Variants in GPC5 observed in about 807,000 individuals in gnomAD.
GPC5 encodes the protein glypican-5.
Under a neutral mutation model 53.9 loss-of-function variants are expected in GPC5, and 47 were observed. The ratio of observed to expected loss-of-function variants is 0.87; its 90% CI spans 0.69 to 1.11. GPC5 has a LOEUF of 1.11. GPC5 is among the 50% of genes most tolerant of loss of function. The pLI, the probability that GPC5 is intolerant of heterozygous loss-of-function variation, is 0.00. For missense variants in GPC5, 748 were observed against 713.1 expected (o/e 1.05, Z -0.56); for synonymous variants, 286 against 263.3 (o/e 1.09, Z -0.84).
intron 5 of GPC5, among the ~76,000 whole-genome samples, chr13:91,813,815 G>C (rs372204970): frequency 6.0e-5 from 9 of 151,116 alleles, no homozygotes; most frequent in African/African-American, 2.2e-4. Flanking sequence ...TAAAGGCTTA[G>C]CTACTTAAGC....
At chr13:92,762,923 A>C (rs1875244243) in intron 7 of GPC5, among the ~76,000 whole-genome samples, 1 of 151,700 alleles carries the variant, frequency 6.6e-6, no homozygotes, top group Non-Finnish European at 1.5e-5. Flanking sequence ...TATTTCATTC[A>C]ATGAATTCTT....
chr13:92,723,731 T>C (rs1314179473), intron 7 of GPC5, among the ~76,000 whole-genome samples: 1 of 151,760 alleles, frequency 6.6e-6, no homozygotes, highest in Non-Finnish European at 1.5e-5. Flanking sequence ...AATTTTCATT[T>C]TAGGTTAGTT....
chr13:92,078,006 C>T (rs1395311687), intron 6 of GPC5, among the ~76,000 whole-genome samples: 3 of 151,338 alleles, frequency 2.0e-5, no homozygotes, highest in South Asian at 2.1e-4. Flanking sequence ...TACAGGCATA[C>T]GTAGATACAT....
chr13:92,511,532 C>CA (rs1158427556), intron 7 of GPC5, among the ~76,000 whole-genome samples: 2 of 152,064 alleles, frequency 1.3e-5, no homozygotes, highest in African/African-American at 4.8e-5. Context: ...ATTTAGCCTG[C>CA]AAAAAATGCC....
chr13:91,918,779 T>C (rs2039683370), intron 6 of GPC5, among the ~76,000 whole-genome samples: 1 of 152,198 alleles, frequency 6.6e-6, no homozygotes, highest in African/African-American at 2.4e-5. Context: ...CTCACCAATA[T>C]CTTTGATTTC....
intron 7 of GPC5, among the ~76,000 whole-genome samples, chr13:92,276,367 C>A (rs559401768): frequency 2.0e-5 from 3 of 152,214 alleles, no homozygotes; most frequent in South Asian, 4.1e-4. Flanking sequence ...TTTCTTCTTA[C>A]CATCTAAAAT....
chr13:92,442,850 AT>A (rs1045050135), intron 7 of GPC5, among the ~76,000 whole-genome samples: 82 of 152,130 alleles, frequency 5.4e-4, no homozygotes, highest in African/African-American at 1.9e-3. Context: ...ATCACAATAA[AT>A]TTTTTTTCTC....
chr13:92,549,528 A>G (rs1488519538), intron 7 of GPC5, among the ~76,000 whole-genome samples: 1 of 152,088 alleles, frequency 6.6e-6, no homozygotes, highest in African/African-American at 2.4e-5. Context: ...TTTAACATGT[A>G]TCTATATATT....
At chr13:92,585,953 T>A (rs570176319) in intron 7 of GPC5, among the ~76,000 whole-genome samples, 1 of 152,334 alleles carries the variant, frequency 6.6e-6, no homozygotes, top group Admixed American at 6.5e-5. Context: ...CAGTTAAACC[T>A]CTTTCTTTTG....
intron 7 of GPC5, among the ~76,000 whole-genome samples, chr13:92,488,995 C>A (rs1356756017): frequency 6.6e-6 from 1 of 152,044 alleles, no homozygotes; most frequent in Non-Finnish European, 1.5e-5. Context: ...ATACAAGTTC[C>A]CAGATGTTCA....
intron 5 of GPC5, among the ~76,000 whole-genome samples, chr13:91,774,806 T>C (rs1393384682): frequency 1.3e-5 from 2 of 152,182 alleles, no homozygotes; most frequent in Non-Finnish European, 2.9e-5. Context: ...TGCTTCCTGG[T>C]GGGATCAGAG....
intron 6 of GPC5, among the ~76,000 whole-genome samples, chr13:91,926,501 A>G (rs1007960468): frequency 6.6e-6 from 1 of 152,138 alleles, no homozygotes; most frequent in Admixed American, 6.5e-5. Flanking sequence ...GCTGAAGCTG[A>G]TATCCAGACC....
At chr13:91,940,272 G>T (rs932267524) in intron 6 of GPC5, among the ~76,000 whole-genome samples, 2 of 152,068 alleles carry the variant, frequency 1.3e-5, no homozygotes, top group South Asian at 2.1e-4. Context: ...GCATTAATTT[G>T]CTTAGGATCA....
intron 7 of GPC5, among the ~76,000 whole-genome samples, chr13:92,229,879 T>TA (rs1372826362): frequency 3.3e-5 from 5 of 152,054 alleles, no homozygotes; most frequent in Non-Finnish European, 5.9e-5. Context: ...TGACACTTTT[T>TA]AAAAAATAGT....
intron 7 of GPC5, among the ~76,000 whole-genome samples, chr13:92,499,903 G>A (rs760303409): frequency 6.6e-6 from 1 of 152,022 alleles, no homozygotes; most frequent in Non-Finnish European, 1.5e-5. Context: ...ATCCATCTAG[G>A]ATTTTCAGTT....
chr13:92,332,122 G>A (rs988267288), intron 7 of GPC5, among the ~76,000 whole-genome samples: 1 of 151,632 alleles, frequency 6.6e-6, no homozygotes, highest in Non-Finnish European at 1.5e-5. Context: ...CTCAAATTAT[G>A]TCTTTGGTGA....
At chr13:91,594,985 CATTTATTTATTTATTTATTT>C (rs60740693) in intron 2 of GPC5, among the ~76,000 whole-genome samples, 5,786 of 137,554 alleles carry the variant, frequency 0.042, 146 homozygotes, top group Middle Eastern at 0.08. Flanking sequence ...TTTTTATTTA[CATTTATTTATTTATTTATTT>C]ATTTATTTAT....
intron 7 of GPC5, among the ~76,000 whole-genome samples, chr13:92,219,456 C>T (rs953401440): frequency 2.6e-5 from 4 of 152,046 alleles, no homozygotes; most frequent in African/African-American, 4.8e-5. Flanking sequence ...AAGCTAAGGC[C>T]GATTCGCACT....
intron 5 of GPC5, among the ~76,000 whole-genome samples, chr13:91,871,289 A>C (rs2039141085): frequency 6.6e-6 from 1 of 151,976 alleles, no homozygotes; most frequent in South Asian, 2.1e-4. Flanking sequence ...CTCACTTATA[A>C]GTGGGAGCTA....
Sources: allele counts gnomAD v4.1 joint callset (sites outside exome capture counted in the v4.1 genomes callset), GRCh38; gene constraint gnomAD v4.1.1; transcripts MANE v1.5; gene names NCBI Gene and HGNC (gene_info 2026-07-23, HGNC 2026-07-21).